Variants in PHTF2 observed in about 807,000 individuals in gnomAD.
PHTF2 encodes the protein putative homeodomain transcription factor 2.
Under a neutral mutation model 101.2 loss-of-function variants are expected in PHTF2, and 60 were observed. The ratio of observed to expected loss-of-function variants is 0.59; its 90% CI spans 0.48 to 0.73. The LOEUF is 0.73. PHTF2 is among the 30% of genes least tolerant of loss of function. The pLI is 0.00. For synonymous variants in PHTF2, 311 were observed against 307.3 expected, an observed-to-expected ratio of 1.01 and a Z score of -0.13; for missense variants, 747 against 908.7, an observed-to-expected ratio of 0.82 and a Z score of 2.29.
chr7:77,940,451 A>C, intron 14 of PHTF2, 77 bp from the exon 14 acceptor site: 1 of 1,347,310 alleles, frequency 7.4e-7, no homozygotes, highest in African/African-American at 1.5e-5. Flanking sequence ...ATAAAATCTT[A>C]ACAATTCATA....
At chr7:77,930,074 C>A (rs1161836376) in intron 12 of PHTF2, among the ~76,000 whole-genome samples, 1 of 151,752 alleles carries the variant, frequency 6.6e-6, no homozygotes, top group Non-Finnish European at 1.5e-5. Flanking sequence ...CTGCCTCAGC[C>A]TTCTGAGTAG....
At chr7:77,846,587 GCCTCC>G (rs1796309712) in intron 2 of PHTF2, among the ~76,000 whole-genome samples, 1 of 30,802 alleles carries the variant, frequency 3.2e-5, no homozygotes, top group East Asian at 1.2e-3. Context: ...GCCTCCCCTC[GCCTCC>G]CCTCGCCTCC....
intron 3 of PHTF2, among the ~76,000 whole-genome samples, chr7:77,878,448 G>A (rs1425425793): frequency 6.6e-6 from 1 of 152,080 alleles, no homozygotes; most frequent in Non-Finnish European, 1.5e-5. Flanking sequence ...GTTATCTGTA[G>A]GAGCAACTGG....
intron 12 of PHTF2, among the ~76,000 whole-genome samples, chr7:77,933,154 C>T (rs1288124961): frequency 6.6e-6 from 1 of 152,172 alleles, no homozygotes; most frequent in African/African-American, 2.4e-5. Context: ...AGGAGAATGG[C>T]GTGAACCCAG....
chr7:77,835,071 G>A (rs957730685), intron 1 of PHTF2, among the ~76,000 whole-genome samples: 45 of 152,048 alleles, frequency 3.0e-4, no homozygotes, highest in African/African-American at 1.1e-3. Flanking sequence ...TCAGGAGTTC[G>A]AGACCAGCCT....
chr7:77,889,309 C>G (rs1341951217), intron 3 of PHTF2, among the ~76,000 whole-genome samples: 1 of 152,178 alleles, frequency 6.6e-6, no homozygotes, highest in African/African-American at 2.4e-5. Flanking sequence ...ACTCTCACTT[C>G]TAGGATCTGG....
chr7:77,871,358 C>T (rs1798504284), intron 3 of PHTF2, among the ~76,000 whole-genome samples: 1 of 152,188 alleles, frequency 6.6e-6, no homozygotes, highest in Non-Finnish European at 1.5e-5. Context: ...CACTGTAACT[C>T]CCTTCTTAGC....
At chr7:77,843,343 C>T (rs1796031900) in intron 2 of PHTF2, among the ~76,000 whole-genome samples, 1 of 152,154 alleles carries the variant, frequency 6.6e-6, no homozygotes, top group African/African-American at 2.4e-5. Context: ...GAAATTGTAA[C>T]ACTTCTCTTA....
rs77451573 is a variant in PHTF2, at chr7:77,931,165, A to G, written c.1338+1838A>G. ...AAGGTGAAAAGCGAAACTTTAAAGCATTTAGAAGAAAATACAGGAGAAAAA... is the reference window on the plus strand; with the variant it reads ...AAGGTGAAAAGCGAAACTTTAAAGCGTTTAGAAGAAAATACAGGAGAAAAA... On this transcript the variant is annotated intron_variant, in intron 12 of 19. Coordinates refer to ENST00000416283, the Ensembl canonical transcript of PHTF2. Among the ~76,000 whole-genome samples the G allele has an allele frequency of 3.9e-5, 6 of 152,350 alleles. No homozygotes were observed. In the East Asian group the frequency reaches 9.6e-4, roughly 24 times the overall value.
intron 9 of PHTF2, among the ~76,000 whole-genome samples, chr7:77,919,923 C>A (rs1206144278): frequency 6.6e-6 from 1 of 152,094 alleles, no homozygotes; most frequent in Non-Finnish European, 1.5e-5. Flanking sequence ...ACAATTAGAT[C>A]ATTTCTTAAA....
intron 7 of PHTF2, among the ~76,000 whole-genome samples, chr7:77,904,996 T>A (rs185485947): frequency 3.4e-3 from 519 of 152,330 alleles, no homozygotes; most frequent in Admixed American, 5.8e-3. Flanking sequence ...GAGATTTTTT[T>A]TAATTTTTTT....
In PHTF2 at chr7:77,900,714, C is replaced by T. The variant is rs530373198; in HGVS notation, c.220C>T (p.Leu74=). The T allele has an allele frequency of 4.6e-6, 7 of 1,508,418 alleles. No individual in the cohort carries two copies. In the East Asian group the frequency reaches 1.4e-4, roughly 29 times the overall value. 93.4% of individuals were successfully genotyped at this position (1,508,418 alleles called of 1,614,324 possible). A position where few individuals can be genotyped will look rare whatever the true frequency, so the allele number is the denominator to read the frequency against. Reference sequence around the variant, plus strand: ...TGCTTCTTTTGATATATTATAGGGGCTAAGGAATAAACCAAAGAAAACAGC... The same window carrying T: ...TGCTTCTTTTGATATATTATAGGGGTTAAGGAATAAACCAAAGAAAACAGC... The change falls in exon 6 of 20, where the codon CTA becomes TTA. Residue 74 remains leucine, a synonymous_variant. Transcript: ENST00000416283.
At chr7:77,955,785 C>T (rs1467687452) in exon 20 of PHTF2, 2 of 152,448 alleles carry the variant, frequency 1.3e-5, no homozygotes, top group Non-Finnish European at 2.9e-5. Flanking sequence ...CTAGTGTAGG[C>T]TATTCATACC....
At chr7:77,825,642 T>G (rs1794645754) in intron 1 of PHTF2, among the ~76,000 whole-genome samples, 2 of 152,268 alleles carry the variant, frequency 1.3e-5, no homozygotes, top group South Asian at 2.1e-4. Context: ...AAAAGTAGAT[T>G]AAGAGTAGTT....
intron 16 of PHTF2, among the ~76,000 whole-genome samples, chr7:77,944,141 T>G (rs975735772): frequency 1.3e-5 from 2 of 152,106 alleles, no homozygotes; most frequent in Non-Finnish European, 2.9e-5. Flanking sequence ...ACCAGAGCAT[T>G]TAAGAATAAG....
chr7:77,841,189 CT>C (rs1795854638), intron 2 of PHTF2, among the ~76,000 whole-genome samples: 1 of 145,506 alleles, frequency 6.9e-6, no homozygotes, highest in African/African-American at 2.6e-5. Flanking sequence ...AAGCGATTCT[CT>C]TGTCTCAGCC....
chr7:77,850,360 CAA>C (rs71082789), intron 2 of PHTF2, among the ~76,000 whole-genome samples: 5,728 of 43,726 alleles, frequency 0.13, 111 homozygotes, highest in Non-Finnish European at 0.15. Flanking sequence ...GACCTTGTCT[CAA>C]AAAAAAAAAA....
At chr7:77,845,007 CAG>C (rs1029357925) in intron 2 of PHTF2, among the ~76,000 whole-genome samples, 10 of 152,108 alleles carry the variant, frequency 6.6e-5, no homozygotes, top group African/African-American at 1.9e-4. Flanking sequence ...AGAATGACAA[CAG>C]GGGAGAAACC....
At position 77,937,691 on chromosome 7, in the gene PHTF2, A is replaced by AT. The variant is rs369183115; in HGVS notation, c.1339-5dup. The AT allele has an allele frequency of 0.18, 151,720 of 861,118 alleles. 191 individuals carry two copies. The highest frequency in any genetic ancestry group is 0.18 in the Non-Finnish European group (115,611 of 628,754). 53.3% of individuals were successfully genotyped at this position (861,118 alleles called of 1,614,324 possible). On this transcript the variant is annotated intron_variant, in intron 12 of 19. Transcript: ENST00000416283. ...TTAAATGTGATCTATATATTTACTA[A>AT]TTTTTTTTTTTTTTATAGAGTCATT...
Sources: allele counts gnomAD v4.1 joint callset (sites outside exome capture counted in the v4.1 genomes callset), GRCh38; gene constraint gnomAD v4.1.1; transcripts MANE v1.5; gene names NCBI Gene and HGNC (gene_info 2026-07-23, HGNC 2026-07-21).